The following CKAP5 variants were observed in gnomAD, a reference collection of about 807,000 sequenced individuals.
CKAP5 encodes cytoskeleton-associated protein 5.
CKAP5 carries 27 observed loss-of-function variants against 232.8 expected under a neutral mutation model. The ratio of observed to expected loss-of-function variants is 0.12; its 90% CI spans 0.09 to 0.16. The LOEUF (loss-of-function observed/expected upper bound fraction) is 0.16. CKAP5 is among the 10% of genes least tolerant of loss of function. The pLI is 1.00. For missense variants in CKAP5, 1,838 were observed against 2,424.7 expected (o/e 0.76, Z 5.08); for synonymous variants, 785 against 841.1 (o/e 0.93, Z 1.16).
At chr11:46,770,166 A>C (rs1592445727) in intron 25 of CKAP5, 68 bp from the exon 26 acceptor site, 1 of 1,512,688 alleles carries the variant, frequency 6.6e-7, no homozygotes, top group East Asian at 2.3e-5. Flanking sequence ...AAGCTTATGA[A>C]CAAATCCTCT....
chr11:46,787,384 A>C (rs1229295576), intron 16 of CKAP5, among the ~76,000 whole-genome samples: 1 of 152,224 alleles, frequency 6.6e-6, no homozygotes, highest in East Asian at 1.9e-4. Context: ...ATACATTTCA[A>C]GTTTGTTTAG....
rs540328026 is a variant in CKAP5, at chr11:46,836,414, A to T, written c.-38+9806T>A. Among the ~76,000 whole-genome samples, 8 of 152,360 alleles carry T rather than the reference A, an allele frequency of 5.3e-5. No homozygotes were observed. In the South Asian group the frequency reaches 1.0e-3, roughly 20 times the overall value. ...TAATGTCGTGAAAACGAATAATTTT[A>T]AAAAGTGAGAACACTAGGTCAGGCA... On this transcript the variant is annotated intron_variant, in intron 1 of 43. Transcript: ENST00000529230.
At position 46,770,911 on chromosome 11, in the gene CKAP5, AG is replaced by A. The variant is rs1449177806; in HGVS notation, c.3062del (p.Pro1021LeufsTer7). The A allele has an allele frequency of 6.2e-7, 1 of 1,614,044 alleles. No homozygotes were observed. The highest frequency in any genetic ancestry group is 8.5e-7 in the Non-Finnish European group (1 of 1,180,014). ...STPTDLILCV[P>X]HLYSCLEDRN... The stretch of plus-strand genomic sequence containing the variant: ...GATCTTCTAGGCAGGAGTAGAGATG[AG>A]GAACACAAAGGATAAGGTCTGTAGG... On this transcript the variant is annotated frameshift_variant, in exon 25 of 44. Coordinates refer to ENST00000529230, the MANE Select transcript of CKAP5 (RefSeq NM_001008938.4). LOFTEE classifies it high-confidence loss of function.
chr11:46,748,610 TA>T (rs1387060127), intron 42 of CKAP5, among the ~76,000 whole-genome samples: 1 of 151,780 alleles, frequency 6.6e-6, no homozygotes, highest in African/African-American at 2.4e-5. Context: ...CCGTCTCTAC[TA>T]AAAATACAAA....
At chr11:46,810,860 G>C in intron 5 of CKAP5, 147 bp downstream of exon 5, 2 of 675,968 alleles carry the variant, frequency 3.0e-6, no homozygotes, top group Non-Finnish European at 4.6e-6. Context: ...GAGAATTGCT[G>C]AGAAAGTTAG....
chr11:46,837,228 T>C (rs1273363390), intron 1 of CKAP5, among the ~76,000 whole-genome samples: 3 of 152,196 alleles, frequency 2.0e-5, no homozygotes, highest in African/African-American at 2.4e-5. Context: ...TTTTTCACTA[T>C]TGTGAATGGA....
At chr11:46,808,272 T>G (rs985661135) in intron 7 of CKAP5, 128 bp from the exon 8 acceptor site, 6 of 615,388 alleles carry the variant, frequency 9.7e-6, no homozygotes, top group Non-Finnish European at 1.6e-5. Flanking sequence ...CCGGGCGCAG[T>G]GGCTCACGCC....
At chr11:46,840,403 A>G (rs566168127) in intron 1 of CKAP5, among the ~76,000 whole-genome samples, 4 of 152,248 alleles carry the variant, frequency 2.6e-5, no homozygotes, top group East Asian at 1.9e-4. Flanking sequence ...ATCAATCTCA[A>G]TATCTGTTCA....
chr11:46,772,420 G>T (rs1284004332), intron 24 of CKAP5, among the ~76,000 whole-genome samples: 1 of 152,110 alleles, frequency 6.6e-6, no homozygotes, highest in Non-Finnish European at 1.5e-5. Flanking sequence ...GCACTTAAAA[G>T]TTCTATAGTT....
intron 8 of CKAP5, among the ~76,000 whole-genome samples, chr11:46,807,309 A>G (rs1172729556): frequency 6.6e-6 from 1 of 152,216 alleles, no homozygotes; most frequent in Non-Finnish European, 1.5e-5. Context: ...GAATATAACT[A>G]CTACAAGTAA....
rs766074705 is a variant in CKAP5, at chr11:46,795,730, G to C, written c.1514C>G (p.Ala505Gly). 4 of 1,614,014 alleles carry C rather than the reference G, an allele frequency of 2.5e-6. No homozygotes were observed. The South Asian group carries it at 3.3e-5, about 13-fold the overall frequency. The change falls in exon 13 of 44, where the codon GCT becomes GGT. Residue 505 changes from alanine (A) to glycine (G), a missense_variant. This residue lies in a region of CKAP5 where 767 missense variants were observed against 954.6 expected (regional missense o/e 0.80). Transcript: ENST00000529230. Reference sequence around the variant, plus strand: ...TTCCTTCTTATCAGCAGCTAGTCCAGCTTTCTTACCATGTATCAGTTCTAC... The same window carrying C: ...TTCCTTCTTATCAGCAGCTAGTCCACCTTTCTTACCATGTATCAGTTCTAC... ...EKVELIHGKK[A>G]GLAADKKEFK...
chr11:46,845,434 G>C (rs1215715042), intron 1 of CKAP5, among the ~76,000 whole-genome samples: 1 of 152,142 alleles, frequency 6.6e-6, no homozygotes. Context: ...AGCCACTCTG[G>C]CAACAACCCT....
intron 24 of CKAP5, 111 bp downstream of exon 24, chr11:46,776,142 CTG>C: frequency 1.2e-6 from 1 of 859,730 alleles, no homozygotes; most frequent in Non-Finnish European, 1.7e-6. Flanking sequence ...ATTTTATTAA[CTG>C]TTTTATAATG....
At chr11:46,751,055 C>T in intron 40 of CKAP5, 63 bp downstream of exon 40, 2 of 1,598,894 alleles carry the variant, frequency 1.3e-6, no homozygotes. Flanking sequence ...TGACCTACAC[C>T]TTAGATAAGA....
chr11:46,789,813 T>C (rs1938665671), intron 15 of CKAP5, among the ~76,000 whole-genome samples: 1 of 152,008 alleles, frequency 6.6e-6, no homozygotes, highest in Admixed American at 6.6e-5. Context: ...AAAAAAATAA[T>C]CTAAGCCTTA....
intron 1 of CKAP5, among the ~76,000 whole-genome samples, chr11:46,822,762 A>AAG (rs1490465337): frequency 6.4e-4 from 95 of 148,064 alleles, no homozygotes; most frequent in African/African-American, 2.3e-3. Context: ...AAAAAAAAAA[A>AAG]AAGAAAGAAA....
At position 46,796,907 on chromosome 11, in the gene CKAP5, C is replaced by A. The variant is rs748232157; in HGVS notation, c.1372G>T (p.Ala458Ser). The A allele has an allele frequency of 3.1e-6, 5 of 1,614,046 alleles. No homozygotes were observed. The South Asian group carries it at 3.3e-5, about 11-fold the overall frequency. Residue 458 changes from alanine (A) to serine (S), a missense_variant, in exon 12 of 44, where the codon GCC becomes TCC. Coordinates refer to ENST00000529230, the MANE Select transcript of CKAP5 (RefSeq NM_001008938.4). Reference protein sequence around the residue: ...INDSAPEVRDAAFEALGTALK... With the variant: ...INDSAPEVRDSAFEALGTALK... ...GCAGTACCCAATGCTTCAAATGCGG[C>A]ATCTCTGACTTCAGGAGCAGAATCA...
At chr11:46,840,947 T>C (rs1342826914) in intron 1 of CKAP5, among the ~76,000 whole-genome samples, 3 of 152,060 alleles carry the variant, frequency 2.0e-5, no homozygotes, top group Admixed American at 1.3e-4. Context: ...CCTCAACCTG[T>C]GGGATCTGAC....
rs1424884576 is a variant in CKAP5 at position 46,780,412 on chromosome 11, G to A, written c.2307+16C>T. 1.5e-5 allele frequency: 24 copies of A among 1,613,482 alleles called. No homozygotes were observed. Among genetic ancestry groups the A allele is most frequent in the South Asian group, 2.2e-5 (2 of 91,052 alleles). On this transcript the variant is annotated intron_variant, in intron 19 of 43. Transcript: ENST00000529230. ...AAGATGGCAATACTGCCCTATATAT[G>A]TTGTTATGTACTCACTGGGTTTGTT...
Sources: allele counts gnomAD v4.1 joint callset (sites outside exome capture counted in the v4.1 genomes callset), GRCh38; gene constraint gnomAD v4.1.1; regional missense constraint gnomAD v4.1.1; transcripts MANE v1.5; gene names NCBI Gene and HGNC (gene_info 2026-07-23, HGNC 2026-07-21).